The following FRMD4A variants were observed in gnomAD, a reference collection of about 807,000 sequenced individuals.
The protein encoded by FRMD4A is FERM domain-containing protein 4A.
FRMD4A carries 29 observed loss-of-function variants against 129.1 expected under a neutral mutation model. The observed-to-expected ratio is 0.22, with a 90% confidence interval of 0.17 to 0.31. The LOEUF (loss-of-function observed/expected upper bound fraction) is 0.31, where lower values mean the gene tolerates loss of function less well. Among genes scored for constraint, FRMD4A ranks in the 10% least tolerant of loss-of-function variants. The pLI is 1.00. For synonymous variants in FRMD4A, 634 were observed against 571.6 expected (o/e 1.11, Z -1.56); for missense variants, 1,272 against 1,375.8 (o/e 0.92, Z 1.19).
chr10:14,082,722 G>A (rs755267834), intron 2 of FRMD4A, among the ~76,000 whole-genome samples: 2 of 152,106 alleles, frequency 1.3e-5, no homozygotes, highest in Non-Finnish European at 2.9e-5. Flanking sequence ...CCCATAACGC[G>A]GAGTCTGCAG....
intron 2 of FRMD4A, among the ~76,000 whole-genome samples, chr10:13,901,331 G>T (rs150963450): frequency 1.5e-3 from 222 of 152,342 alleles, no homozygotes; most frequent in African/African-American, 5.1e-3. Context: ...GGCTGGGTGT[G>T]GTGGCTCATG....
intron 2 of FRMD4A, among the ~76,000 whole-genome samples, chr10:13,931,477 C>T (rs771159568): frequency 1.3e-5 from 2 of 152,152 alleles, no homozygotes; most frequent in Non-Finnish European, 2.9e-5. Context: ...TCTGCATCCT[C>T]CACATCTCAG....
chr10:14,042,776 A>T (rs1256034369), intron 2 of FRMD4A, among the ~76,000 whole-genome samples: 1 of 151,880 alleles, frequency 6.6e-6, no homozygotes, highest in East Asian at 1.9e-4. Flanking sequence ...CAGCCTGGCC[A>T]ATATGGTGAC....
intron 5 of FRMD4A, among the ~76,000 whole-genome samples, chr10:13,789,439 T>G (rs1303930093): frequency 1.3e-5 from 2 of 152,118 alleles, no homozygotes; most frequent in Admixed American, 1.3e-4. Flanking sequence ...TCTGTTTATT[T>G]TCTTACAAGG....
chr10:14,182,856 G>A (rs1454702006), intron 2 of FRMD4A, among the ~76,000 whole-genome samples: 1 of 152,202 alleles, frequency 6.6e-6, no homozygotes, highest in African/African-American at 2.4e-5. Context: ...CAGGAGGGTT[G>A]AACAATTCAA....
chr10:14,167,357 C>A (rs1589115307), intron 2 of FRMD4A, among the ~76,000 whole-genome samples: 1 of 151,844 alleles, frequency 6.6e-6, no homozygotes, highest in East Asian at 1.9e-4. Flanking sequence ...CATGGGGAAA[C>A]CCTGTCTCTA....
chr10:14,018,455 C>CAAAAAAAAAAA, intron 2 of FRMD4A, among the ~76,000 whole-genome samples: 1 of 59,250 alleles, frequency 1.7e-5, no homozygotes, highest in Non-Finnish European at 2.9e-5. Flanking sequence ...GACTCCATCT[C>CAAAAAAAAAAA]AAAAAAAAAA....
At chr10:14,161,080 G>A (rs533475076) in intron 2 of FRMD4A, among the ~76,000 whole-genome samples, 4 of 152,138 alleles carry the variant, frequency 2.6e-5, no homozygotes, top group Admixed American at 6.5e-5. Flanking sequence ...TCAGCCCCCC[G>A]AGTCGCTGGG....
At chr10:14,036,813 T>C (rs1479745452) in intron 2 of FRMD4A, among the ~76,000 whole-genome samples, 2 of 152,144 alleles carry the variant, frequency 1.3e-5, no homozygotes, top group African/African-American at 4.8e-5. Flanking sequence ...CTCGAACTCC[T>C]GACCTCAAGT....
At chr10:13,794,728 G>A (rs551379730) in intron 5 of FRMD4A, among the ~76,000 whole-genome samples, 1 of 152,186 alleles carries the variant, frequency 6.6e-6, no homozygotes, top group South Asian at 2.1e-4. Flanking sequence ...TTCTCTCTAA[G>A]GAGTGTTCTT....
At chr10:13,996,286 G>A (rs934027077) in intron 2 of FRMD4A, among the ~76,000 whole-genome samples, 16 of 152,178 alleles carry the variant, frequency 1.1e-4, no homozygotes, top group African/African-American at 2.4e-4. Context: ...CTTAATGACA[G>A]TGATTCCAGA....
At position 13,756,488 on chromosome 10, in the gene FRMD4A, A is replaced by C. The variant is rs143926493; in HGVS notation, c.464+5159T>G. Among the ~76,000 whole-genome samples, 212 of 152,228 alleles carry C rather than the reference A, an allele frequency of 1.4e-3. 5 individuals are homozygous for C. In the East Asian group the frequency reaches 0.036, roughly 26 times the overall value. On this transcript the variant is annotated intron_variant, in intron 8 of 24. Transcript: ENST00000357447. ...GCAATCCTCCCACCTCAGCCTCCCA[A>C]GTAGCTGGGACTACAGGCACACGCC...
At chr10:13,840,616 C>A (rs7099518) in intron 3 of FRMD4A, among the ~76,000 whole-genome samples, 74,346 of 150,804 alleles carry the variant, frequency 0.49, 18,430 homozygotes, top group East Asian at 0.58. Flanking sequence ...TGGTGAAACC[C>A]CGTCTCTACT....
rs779013722 is a variant in FRMD4A at position 13,660,597 on chromosome 10, T to C, written c.1661-44A>G. ...AGAGGAACTGAGCCCCGGTCATCCT[T>C]CCCACAGGCTGAGACAGAACCCCTA... On this transcript the variant is annotated intron_variant, in intron 19 of 24. Coordinates refer to ENST00000357447, the MANE Select transcript of FRMD4A (RefSeq NM_018027.5). 7.9e-6 allele frequency: 10 copies of C among 1,262,806 alleles called. No homozygotes were observed. In the African/African-American group the frequency reaches 1.2e-4, roughly 15 times the overall value. The allele number at this position is 1,262,806 out of a possible 1,614,324, so 78.2% of individuals were successfully genotyped here.
At chr10:14,027,628 A>G (rs1248656961) in intron 2 of FRMD4A, among the ~76,000 whole-genome samples, 1 of 152,208 alleles carries the variant, frequency 6.6e-6, no homozygotes, top group African/African-American at 2.4e-5. Flanking sequence ...AACAAAAACA[A>G]AAACAAAAAC....
At chr10:14,093,030 A>G (rs1167686507) in intron 2 of FRMD4A, among the ~76,000 whole-genome samples, 5 of 152,190 alleles carry the variant, frequency 3.3e-5, no homozygotes. Flanking sequence ...AGCTCCCTGC[A>G]TCACTTCTGC....
chr10:13,997,632 T>C (rs12358651), intron 2 of FRMD4A, among the ~76,000 whole-genome samples: 1,710 of 151,272 alleles, frequency 0.011, 29 homozygotes, highest in Non-Finnish European at 0.014. Context: ...TTCTTTTTTT[T>C]TTTTTTTTGA....
At chr10:13,914,182 C>A (rs1233149835) in intron 2 of FRMD4A, among the ~76,000 whole-genome samples, 2 of 152,218 alleles carry the variant, frequency 1.3e-5, no homozygotes, top group East Asian at 3.8e-4. Flanking sequence ...GATTACAGGG[C>A]AGAGTATGCT....
intron 4 of FRMD4A, among the ~76,000 whole-genome samples, chr10:13,806,732 T>C (rs1447509209): frequency 3.3e-5 from 5 of 152,236 alleles, no homozygotes; most frequent in African/African-American, 1.2e-4. Flanking sequence ...GTCCCAGGCA[T>C]TGGTATTTTA....
Sources: gnomAD v4.1 joint callset for allele counts (sites outside exome capture counted in the v4.1 genomes callset) on GRCh38, gnomAD v4.1.1 for gene constraint, MANE v1.5 for transcripts, NCBI Gene and HGNC (gene_info 2026-07-23, HGNC 2026-07-21) for gene names.